Variants in GTSE1 observed in about 807,000 individuals in gnomAD.
GTSE1 encodes G2 and S phase-expressed protein 1.
GTSE1 carries 52 observed loss-of-function variants against 60.5 expected under a neutral mutation model. The observed-to-expected ratio is 0.86, with a 90% CI of 0.69 to 1.08. GTSE1 has a LOEUF of 1.08. Among genes scored for constraint, GTSE1 ranks in the 50% least tolerant of loss-of-function variants. The pLI, the probability that GTSE1 is intolerant of heterozygous loss-of-function variation, is 0.00. For synonymous variants in GTSE1, 368 were observed against 386.5 expected, an observed-to-expected ratio of 0.95 and a Z score of 0.56; for missense variants, 937 against 961.8, an observed-to-expected ratio of 0.97 and a Z score of 0.34.
chr22:46,320,366 T>G lies in GTSE1; in HGVS notation c.1433-2824T>G, dbSNP rs550341093. ...GAACAGGACTGTCTCTTGCACGCCT[T>G]TGGTCATTCATCAGGGTCAAAACTG... On this transcript the variant is annotated intron_variant, in intron 7 of 11. Coordinates refer to ENST00000454366, the MANE Select transcript of GTSE1 (RefSeq NM_016426.7). The surrounding 1 kb of genome is among the most constrained non-coding windows in gnomAD (Gnocchi z 7.1). Among the ~76,000 whole-genome samples, 13 of 152,286 alleles carry G rather than the reference T, an allele frequency of 8.5e-5. No individual in the cohort carries two copies. The highest frequency in any genetic ancestry group is 2.9e-4 in the African/African-American group (12 of 41,572).
At chr22:46,306,894 C>T (rs776894121) in intron 2 of GTSE1, among the ~76,000 whole-genome samples, 2 of 152,154 alleles carry the variant, frequency 1.3e-5, no homozygotes, top group Non-Finnish European at 2.9e-5. Context: ...TGCTAAGTGT[C>T]CAGGCCCTTA....
chr22:46,319,495 C>G lies in GTSE1; in HGVS notation c.1432+3083C>G, dbSNP rs998704059. Among the ~76,000 whole-genome samples, 2 of 152,028 alleles carry G rather than the reference C, an allele frequency of 1.3e-5. No homozygotes were observed. ...GAGTGTCCCTGAGGTTCTGGCGGAA[C>G]CTGGGTGCTGCCACTCATGTGACAG... On this transcript the variant is annotated intron_variant, in intron 7 of 11. Coordinates refer to ENST00000454366, the MANE Select transcript of GTSE1 (RefSeq NM_016426.7). This position sits in a 1 kb window ranked among gnomAD's most constrained non-coding sequence, Gnocchi z 5.0.
chr22:46,313,166 TAAAAAA>T lies in GTSE1; in HGVS notation c.928-709_928-704del, dbSNP rs778559566. Among the ~76,000 whole-genome samples, 2 of 82,206 alleles carry T rather than the reference TAAAAAA, an allele frequency of 2.4e-5. No individual in the cohort carries two copies. Among genetic ancestry groups the T allele is most frequent in the Non-Finnish European group, 5.1e-5 (2 of 39,106 alleles). The allele number at this position is 82,206 out of a possible 152,430, so 53.9% of individuals were successfully genotyped here. A position where few individuals can be genotyped will look rare whatever the true frequency, so the allele number is the denominator to read the frequency against. ...CTGGGCAACAGAGTGAGACCCTGTC[TAAAAAA>T]AAAAAAAAAAAAAAGGAAAAGAAAG... On this transcript the variant is annotated intron_variant, in intron 5 of 11. Transcript: ENST00000454366. The surrounding 1 kb of genome is among the most constrained non-coding windows in gnomAD (Gnocchi z 4.4).
Position 46,327,872 on chromosome 22 carries a change from G to A in GTSE1, c.1725-816G>A, listed in dbSNP as rs543834490. ...TGCTGGCATGTGTGTGCATTACAGA[G>A]GGAGAGGGAAAGGCATGGAATGCCA... On this transcript the variant is annotated intron_variant, in intron 9 of 11. Coordinates refer to ENST00000454366, the MANE Select transcript of GTSE1 (RefSeq NM_016426.7). 2.6e-5 allele frequency among the ~76,000 whole-genome samples: 4 copies of A among 152,290 alleles called. No homozygotes were observed. In the East Asian group the frequency reaches 7.7e-4, roughly 29 times the overall value.
At chr22:46,328,536 A>G in intron 9 of GTSE1, 152 bp from the exon 10 acceptor site, 3 of 613,044 alleles carry the variant, frequency 4.9e-6, no homozygotes, top group Non-Finnish European at 8.7e-6. Context: ...CCTTCCATAC[A>G]CAGGAAACTG....
intron 8 of GTSE1, 112 bp from the exon 9 acceptor site, chr22:46,326,324 C>A: frequency 1.2e-6 from 1 of 862,546 alleles, no homozygotes; most frequent in Non-Finnish European, 1.7e-6. Context: ...CCTGGCTTGG[C>A]TCTTCTGGGC....
In GTSE1 at chr22:46,330,081, G is replaced by A. The variant is rs765391363; in HGVS notation, c.2171G>A (p.Ser724Asn). 6.2e-7 allele frequency: 1 copy of A among 1,611,980 alleles called. No individual in the cohort carries two copies. Among genetic ancestry groups the A allele is most frequent in the South Asian group, 1.1e-5 (1 of 91,038 alleles). Residue 724 changes from serine to asparagine, a missense_variant, in exon 12 of 12, where the codon AGC becomes AAC. Transcript: ENST00000454366. The surrounding 1 kb of genome is among the most constrained non-coding windows in gnomAD (Gnocchi z 6.0). ...IDLSSPLIQL[S>N]PEADKENVDS... ...CTGAGCTCCCCTCTGATCCAGCTGA[G>A]CCCTGAGGCTGACAAGGAGAACGTG...
intron 2 of GTSE1, among the ~76,000 whole-genome samples, chr22:46,303,336 C>G (rs2077699953): frequency 6.6e-6 from 1 of 152,152 alleles, no homozygotes; most frequent in Non-Finnish European, 1.5e-5. Context: ...GTATTTTCTT[C>G]CATGTTATCT....
rs1295007300 is a variant in GTSE1, at chr22:46,308,061, CTTTA to C, written c.80-84_80-81del. 15 of 890,918 alleles carry C rather than the reference CTTTA, an allele frequency of 1.7e-5. No homozygotes were observed. In the East Asian group the frequency reaches 3.4e-4, roughly 20 times the overall value. 55.2% of individuals were successfully genotyped at this position (890,918 alleles called of 1,614,324 possible). A position where few individuals can be genotyped will look rare whatever the true frequency, so the allele number is the denominator to read the frequency against. On this transcript the variant is annotated intron_variant, in intron 2 of 11. Coordinates refer to ENST00000454366, the MANE Select transcript of GTSE1 (RefSeq NM_016426.7). The stretch of plus-strand genomic sequence containing the variant: ...TTTGGGGAGTGAAATTTCACAGTAC[CTTTA>C]TTTAATTCCAAGCCATAGAGCCTGG...
rs1311089053 is a variant in GTSE1, at chr22:46,297,830, T to C, written c.79+351T>C. On this transcript the variant is annotated intron_variant, in intron 2 of 11. Coordinates refer to ENST00000454366, the MANE Select transcript of GTSE1 (RefSeq NM_016426.7). The surrounding 1 kb of genome is among the most constrained non-coding windows in gnomAD (Gnocchi z 4.9). ...GACTTATTTAGGATCTTTGAGACCA[T>C]GTTAATGAGTAAGCCTGGCCCCAAA... Among the ~76,000 whole-genome samples, 1 of 152,216 alleles carries C rather than the reference T, an allele frequency of 6.6e-6. No individual in the cohort carries two copies. The highest frequency in any genetic ancestry group is 1.5e-5 in the Non-Finnish European group (1 of 68,032).
At position 46,320,442 on chromosome 22, in the gene GTSE1, C is replaced by T. The variant is rs1046348560; in HGVS notation, c.1433-2748C>T. Among the ~76,000 whole-genome samples, 32 of 152,274 alleles carry T rather than the reference C, an allele frequency of 2.1e-4. No homozygotes were observed. The highest frequency in any genetic ancestry group is 5.9e-4 in the Admixed American group (9 of 15,304). On this transcript the variant is annotated intron_variant, in intron 7 of 11. Coordinates refer to ENST00000454366, the MANE Select transcript of GTSE1 (RefSeq NM_016426.7). The surrounding 1 kb of genome is among the most constrained non-coding windows in gnomAD (Gnocchi z 7.1). The stretch of plus-strand genomic sequence containing the variant: ...AAGAGAGGCCCCAGGGGAGCAGCCA[C>T]GCTGTTGGGAACACACAGCTCTGGG...
chr22:46,307,981 A>G (rs577399802), intron 2 of GTSE1, among the ~76,000 whole-genome samples, 169 bp from the exon 3 acceptor site: 22 of 152,330 alleles, frequency 1.4e-4, no homozygotes, highest in African/African-American at 5.1e-4. Context: ...AAAAGGAAAA[A>G]ATATAACTTA....
At chr22:46,303,270 T>A (rs2077699542) in intron 2 of GTSE1, among the ~76,000 whole-genome samples, 1 of 152,218 alleles carries the variant, frequency 6.6e-6, no homozygotes. Flanking sequence ...TTTTGCATAT[T>A]TCTTGTTAGG....
intron 2 of GTSE1, among the ~76,000 whole-genome samples, chr22:46,299,669 G>C (rs1214423742): frequency 5.3e-5 from 8 of 152,122 alleles, no homozygotes; most frequent in Non-Finnish European, 1.5e-5. Context: ...ACTTCCCGTT[G>C]GCTAATATGT....
chr22:46,308,508 T>C lies in GTSE1; in HGVS notation c.327T>C (p.Ala109=). 2.5e-6 allele frequency: 4 copies of C among 1,614,180 alleles called. No homozygotes were observed. The highest frequency in any genetic ancestry group is 3.4e-6 in the Non-Finnish European group (4 of 1,180,026). Residue 109 remains alanine, a synonymous_variant, in exon 4 of 12, where the codon GCT becomes GCC. Coordinates refer to ENST00000454366, the MANE Select transcript of GTSE1 (RefSeq NM_016426.7). ...TGTACAAAGAAGCTCACTTACTGGC[T>C]TTACACATTGAGAGCAGCAGCCGGA... ...VEVYKEAHLL[A]LHIESSSRNQ... is the part of the protein sequence containing the mutation.
intron 2 of GTSE1, among the ~76,000 whole-genome samples, chr22:46,301,323 A>G (rs2077687899): frequency 6.6e-6 from 1 of 152,104 alleles, no homozygotes; most frequent in African/African-American, 2.4e-5. Context: ...TCTTACTTCG[A>G]TAGGTACTGC....
chr22:46,298,183 G>A (rs186309039), intron 2 of GTSE1, among the ~76,000 whole-genome samples: 6 of 146,342 alleles, frequency 4.1e-5, no homozygotes, highest in East Asian at 2.1e-4. Context: ...GGCTGGTCTC[G>A]AACTCCTGAG....
Position 46,313,622 on chromosome 22 carries a change from C to T in GTSE1, c.928-268C>T, listed in dbSNP as rs8139617. ...CTCCCGGGTTCAAGCAATTCTCCTA[C>T]CTCAGCCTCCCGAGTAGCTGGGACT... is the stretch of plus-strand genomic sequence containing the variant. On this transcript the variant is annotated intron_variant, in intron 5 of 11. Transcript: ENST00000454366. This position sits in a 1 kb window ranked among gnomAD's most constrained non-coding sequence, Gnocchi z 4.4. Among the ~76,000 whole-genome samples the T allele has an allele frequency of 0.012, 1,787 of 152,326 alleles. 33 individuals are homozygous for T. Among genetic ancestry groups the T allele is most frequent in the African/African-American group, 0.041 (1,694 of 41,580 alleles).
rs185105018 is a variant in GTSE1 at position 46,315,026 on chromosome 22, C to T, written c.1052-1006C>T. ...ACCTCAGCCTCCTGAGTAGCTGGGACTACAGGCACATGCCACCACACCCGG... is the reference window on the plus strand; with the variant it reads ...ACCTCAGCCTCCTGAGTAGCTGGGATTACAGGCACATGCCACCACACCCGG... On this transcript the variant is annotated intron_variant, in intron 6 of 11. Coordinates refer to ENST00000454366, the MANE Select transcript of GTSE1 (RefSeq NM_016426.7). Among the ~76,000 whole-genome samples the T allele has an allele frequency of 4.6e-5, 7 of 151,616 alleles. No homozygotes were observed. In the East Asian group the frequency reaches 1.4e-3, roughly 30 times the overall value.
Sources: gnomAD v4.1 joint callset for allele counts (sites outside exome capture counted in the v4.1 genomes callset) on GRCh38, gnomAD v4.1.1 for gene constraint, Gnocchi (gnomAD v3.1) non-coding constraint, MANE v1.5 for transcripts, NCBI Gene and HGNC (gene_info 2026-07-23, HGNC 2026-07-21) for gene names.